CFAP251: variants seen among roughly 807,000 people sequenced by gnomAD.
CFAP251 encodes the protein cilia and flagella associated protein 251, also known as cilia- and flagella-associated protein 251.
Under a neutral mutation model 126.7 loss-of-function variants are expected in CFAP251, and 93 were observed. The observed-to-expected ratio is 0.73, with a 90% CI of 0.62 to 0.87. CFAP251 has a LOEUF of 0.87. Ranked by LOEUF, CFAP251 falls within the 40% of genes least tolerant of loss-of-function variation. The pLI, the probability that CFAP251 is intolerant of heterozygous loss-of-function variation, is 0.00. For missense variants in CFAP251, 1,287 were observed against 1,389.2 expected (o/e 0.93, Z 1.17); for synonymous variants, 503 against 506.9 (o/e 0.99, Z 0.10).
At chr12:121,972,303 A>T (rs1882354631) in intron 17 of CFAP251, among the ~76,000 whole-genome samples, 1 of 152,238 alleles carries the variant, frequency 6.6e-6, no homozygotes, top group Non-Finnish European at 1.5e-5. Flanking sequence ...CAAAAGCCTG[A>T]TAGTGATATG....
intron 14 of CFAP251, among the ~76,000 whole-genome samples, chr12:121,961,419 T>A (rs1881936342): frequency 6.7e-6 from 1 of 149,648 alleles, no homozygotes; most frequent in Non-Finnish European, 1.5e-5. Context: ...CACCCATCCA[T>A]CCATCCATTC....
intron 17 of CFAP251, chr12:121,969,641 G>A: frequency 1.3e-6 from 1 of 756,622 alleles, no homozygotes. Context: ...ATATGCCAAT[G>A]TGCCTGGCTA....
chr12:121,927,270 G>C (rs1397944827), intron 3 of CFAP251, among the ~76,000 whole-genome samples: 1 of 149,396 alleles, frequency 6.7e-6, no homozygotes, highest in Non-Finnish European at 1.5e-5. Context: ...AAGGTTTCTT[G>C]TATCAGTGCA....
intron 1 of CFAP251, among the ~76,000 whole-genome samples, chr12:121,919,725 C>A (rs964593241): frequency 4.9e-4 from 74 of 152,188 alleles, no homozygotes; most frequent in African/African-American, 1.7e-3. Context: ...TTCTCGTATT[C>A]CTGTTTCTAG....
chr12:121,924,057 G>A lies in CFAP251; in HGVS notation c.747+67G>A, dbSNP rs376077018. The A allele has an allele frequency of 7.7e-5, 114 of 1,486,754 alleles. No individual in the cohort carries two copies. In the African/African-American group the frequency reaches 1.5e-3, roughly 20 times the overall value. 92.1% of individuals were successfully genotyped at this position (1,486,754 alleles called of 1,614,324 possible). On this transcript the variant is annotated intron_variant, in intron 3 of 21. Transcript: ENST00000288912. ...GTGTTGCGCAATAGGGGAATTTTAT[G>A]CATGTTGGGGGAAAAAGAATACCAC...
chr12:121,978,915 G>T (rs771749971), intron 19 of CFAP251, among the ~76,000 whole-genome samples: 2 of 152,156 alleles, frequency 1.3e-5, no homozygotes, highest in African/African-American at 2.4e-5. Flanking sequence ...CTGGGTCAGA[G>T]AATATGAAAT....
In CFAP251 at chr12:121,989,980, C is replaced by G. The variant is rs182071869; in HGVS notation, c.3007-9736C>G. Among the ~76,000 whole-genome samples the G allele has an allele frequency of 4.8e-3, 728 of 152,276 alleles. 9 individuals carry two copies. The highest frequency in any genetic ancestry group is 0.017 in the African/African-American group (702 of 41,544). On this transcript the variant is annotated intron_variant, in intron 19 of 21. Coordinates refer to ENST00000288912, the MANE Select transcript of CFAP251 (RefSeq NM_144668.6). The surrounding 1 kb of genome is among the most constrained non-coding windows in gnomAD (Gnocchi z 4.2). ...ATGACAGAGGCAGAAATAAGATGCTCTCGGGTGAGGGGACTCCAGCCCACC... is the reference window on the plus strand; with the variant it reads ...ATGACAGAGGCAGAAATAAGATGCTGTCGGGTGAGGGGACTCCAGCCCACC...
At chr12:121,981,719 G>T (rs1307697881) in intron 19 of CFAP251, among the ~76,000 whole-genome samples, 2 of 152,220 alleles carry the variant, frequency 1.3e-5, no homozygotes, top group Admixed American at 6.5e-5. Flanking sequence ...TCCTGTGGGT[G>T]AGGAGTATTC....
intron 3 of CFAP251, among the ~76,000 whole-genome samples, chr12:121,928,704 A>ATACGTATATATATATATAT (rs1414832664): frequency 9.9e-5 from 6 of 60,322 alleles, no homozygotes; most frequent in African/African-American, 2.4e-4. Context: ...ATATATATAT[A>ATACGTATATATATATATAT]TTTTTTTTTT....
chr12:121,968,810 A>G, intron 17 of CFAP251: 3 of 802,836 alleles, frequency 3.7e-6, no homozygotes, highest in Non-Finnish European at 4.5e-6. Context: ...AGGTAGTTTA[A>G]TAGGGGAAAA....
At chr12:121,963,417 G>A (rs1882013366) in intron 15 of CFAP251, among the ~76,000 whole-genome samples, 1 of 151,876 alleles carries the variant, frequency 6.6e-6, no homozygotes, top group African/African-American at 2.4e-5. Context: ...GGGAACCCAC[G>A]AATCAGACTC....
chr12:121,975,288 C>T lies in CFAP251; in HGVS notation c.2816C>T (p.Pro939Leu). ...AVSLGGEDLT[P>L]FYGLLSGGRE... ...TCTCTTGGGGGTGAAGACTTGACCCCATTCTATGGTCTGCTGTCTGGTGGC... is the reference window on the plus strand; with the variant it reads ...TCTCTTGGGGGTGAAGACTTGACCCTATTCTATGGTCTGCTGTCTGGTGGC... Residue 939 changes from proline to leucine, a missense_variant, in exon 18 of 22, where the codon CCA becomes CTA. Coordinates refer to ENST00000288912, the MANE Select transcript of CFAP251 (RefSeq NM_144668.6). The T allele has an allele frequency of 6.2e-7, 1 of 1,614,130 alleles. No individual in the cohort carries two copies. Among genetic ancestry groups the T allele is most frequent in the Non-Finnish European group, 8.5e-7 (1 of 1,180,034 alleles).
rs1025367559 is a variant in CFAP251 at position 121,989,817 on chromosome 12, C to T, written c.3007-9899C>T. Among the ~76,000 whole-genome samples, 2 of 152,124 alleles carry T rather than the reference C, an allele frequency of 1.3e-5. No homozygotes were observed. The highest frequency in any genetic ancestry group is 4.8e-5 in the African/African-American group (2 of 41,418). ...GCCTGCTTATAAAAACAAGGAATGG[C>T]CCCAGTTCAAATATATCGTGTTCCT... On this transcript the variant is annotated intron_variant, in intron 19 of 21. Coordinates refer to ENST00000288912, the MANE Select transcript of CFAP251 (RefSeq NM_144668.6). The surrounding 1 kb of genome is among the most constrained non-coding windows in gnomAD (Gnocchi z 4.2).
chr12:121,928,523 T>C (rs1039019894), intron 3 of CFAP251, among the ~76,000 whole-genome samples: 3 of 151,246 alleles, frequency 2.0e-5, no homozygotes, highest in African/African-American at 7.3e-5. Context: ...AGATTTTGTT[T>C]CTATATGCCA....
At chr12:121,959,698 A>G (rs1302820764) in intron 13 of CFAP251, 1 of 152,236 alleles carries the variant, frequency 6.6e-6, no homozygotes, top group Non-Finnish European at 1.5e-5. Flanking sequence ...GAAGGCACAA[A>G]GAGTCAGGCT....
intron 17 of CFAP251, among the ~76,000 whole-genome samples, chr12:121,973,639 G>A (rs111299913): frequency 0.017 from 2,594 of 152,298 alleles, 80 homozygotes; most frequent in African/African-American, 0.059. Flanking sequence ...CCCACCTCTT[G>A]CATCAGCGTG....
Position 121,971,454 on chromosome 12 carries a change from C to T in CFAP251, c.2771+3285C>T, listed in dbSNP as rs987250836. The T allele has an allele frequency of 7.0e-5, 48 of 690,170 alleles. No homozygotes were observed. In the African/African-American group the frequency reaches 7.2e-4, roughly 10 times the overall value. The allele number at this position is 690,170 out of a possible 1,614,324, so 42.8% of individuals were successfully genotyped here. On this transcript the variant is annotated intron_variant, in intron 17 of 21. Transcript: ENST00000288912. ...GAAAGGTGTAGGAGTGTGCTGATAC[C>T]CATTTCCATGGCCGTAATAATCCCA...
rs1388020375 is a variant in CFAP251, at chr12:121,923,792, G to A, written c.549G>A (p.Glu183=). ...AAAGGCAGCCCTCAGGAGAGCTTGAGGAGAAAACCGACCGGATGCCCCAAG... is the reference window on the plus strand; with the variant it reads ...AAAGGCAGCCCTCAGGAGAGCTTGAAGAGAAAACCGACCGGATGCCCCAAG... ...SPERQPSGEL[E]EKTDRMPQDE... The change falls in exon 3 of 22, where the codon GAG becomes GAA. Residue 183 remains glutamate (E), a synonymous_variant. Coordinates refer to ENST00000288912, the MANE Select transcript of CFAP251 (RefSeq NM_144668.6). 6.2e-7 allele frequency: 1 copy of A among 1,614,114 alleles called. No individual in the cohort carries two copies. The highest frequency in any genetic ancestry group is 1.6e-4 in the Middle Eastern group (1 of 6,062).
rs774476475 is a variant in CFAP251, at chr12:121,931,824, T to C, written c.826T>C (p.Tyr276His). The C allele has an allele frequency of 1.9e-6, 3 of 1,606,822 alleles. No homozygotes were observed. Among genetic ancestry groups the C allele is most frequent in the Non-Finnish European group, 2.5e-6 (3 of 1,177,198 alleles). Residue 276 changes from tyrosine to histidine, a missense_variant, in exon 4 of 22, where the codon TAT becomes CAT. Physicochemically the swap from Tyr to His is moderately conservative, Grantham distance 83. Coordinates refer to ENST00000288912, the MANE Select transcript of CFAP251 (RefSeq NM_144668.6). ...IREERQRVLLYVCAHTAIIYN... is the reference protein window; with the variant it reads ...IREERQRVLLHVCAHTAIIYN... The stretch of plus-strand genomic sequence containing the variant: ...AGAGGAAAGGCAGAGAGTTCTTCTG[T>C]ATGTTTGTGCTCACACTGCGATCAT...
Sources: gnomAD v4.1 joint callset for allele counts (sites outside exome capture counted in the v4.1 genomes callset) on GRCh38, gnomAD v4.1.1 for gene constraint, Gnocchi (gnomAD v3.1) non-coding constraint, MANE v1.5 for transcripts, NCBI Gene and HGNC (gene_info 2026-07-23, HGNC 2026-07-21) for gene names.